The following GLCCI1 variants were observed in gnomAD, a reference collection of about 807,000 sequenced individuals.
GLCCI1 encodes the protein glucocorticoid-induced transcript 1 protein.
In GLCCI1, 24 loss-of-function variants were observed where a neutral mutation model predicts 52.2. The observed-to-expected ratio is 0.46, with a 90% CI of 0.33 to 0.65. GLCCI1 has a LOEUF of 0.65. GLCCI1 is among the 30% of genes least tolerant of loss of function. The probability of loss-of-function intolerance (pLI) is 0.02; values close to 1 mark genes in which losing one functional copy is unlikely to be tolerated. For missense variants in GLCCI1, 704 were observed against 701.5 expected (o/e 1.00, Z -0.04); for synonymous variants, 310 against 276.5 (o/e 1.12, Z -1.20).
intron 3 of GLCCI1, among the ~76,000 whole-genome samples, chr7:8,044,175 G>T (rs1156318939): frequency 6.6e-6 from 1 of 151,856 alleles, no homozygotes; most frequent in East Asian, 1.9e-4. Flanking sequence ...TTGATTTCCT[G>T]ACCTCGCGAT....
chr7:8,087,884 C>G lies in GLCCI1; in HGVS notation c.*1346C>G, dbSNP rs925654290. On this transcript the variant is annotated 3_prime_UTR_variant, in exon 8 of 8. Coordinates refer to ENST00000223145, the MANE Select transcript of GLCCI1 (RefSeq NM_138426.4). ...GCCTTGAACTTGCAGACTTTTGACA[C>G]AAGTTCTCCACAAAGTGTGAAGAGA... The G allele has an allele frequency of 3.9e-5, 6 of 152,722 alleles. No homozygotes were observed. Among genetic ancestry groups the G allele is most frequent in the African/African-American group, 1.4e-4 (6 of 41,566 alleles). 9.5% of individuals were successfully genotyped at this position (152,722 alleles called of 1,614,324 possible).
chr7:8,038,039 G>C (rs917786242), intron 3 of GLCCI1, among the ~76,000 whole-genome samples: 5 of 152,120 alleles, frequency 3.3e-5, no homozygotes, highest in African/African-American at 1.2e-4. Flanking sequence ...AGATCAAATG[G>C]ACCTGGTAGA....
rs551782535 is a variant in GLCCI1, at chr7:8,063,664, G to A, written c.966+3416G>A. 4.1e-4 allele frequency among the ~76,000 whole-genome samples: 60 copies of A among 145,758 alleles called. No homozygotes were observed. The South Asian group carries it at 0.013, about 31-fold the overall frequency. On this transcript the variant is annotated intron_variant, in intron 5 of 7. Coordinates refer to ENST00000223145, the MANE Select transcript of GLCCI1 (RefSeq NM_138426.4). ...GACAGGGTCTTGCTCCATTGCCCAG[G>A]CTGGAGTATAGCGGCACAGTCATGG... is the stretch of plus-strand genomic sequence containing the variant.
chr7:8,018,877 T>C (rs1403172241), intron 2 of GLCCI1, among the ~76,000 whole-genome samples: 2 of 152,212 alleles, frequency 1.3e-5, no homozygotes, highest in Non-Finnish European at 2.9e-5. Flanking sequence ...TGGTTATATG[T>C]AGCACTATTT....
rs935789118 is a variant in GLCCI1 at position 8,087,370 on chromosome 7, C to G, written c.*832C>G. The G allele has an allele frequency of 8.5e-5, 13 of 152,596 alleles. No homozygotes were observed. Among genetic ancestry groups the G allele is most frequent in the Non-Finnish European group, 1.3e-4 (9 of 68,030 alleles). 9.5% of individuals were successfully genotyped at this position (152,596 alleles called of 1,614,324 possible). ...TGTACATGTGGCTTTTTTAAAAGTTCAGGTGTTGCTCAGTAAAGGACTGTG... is the reference window on the plus strand; with the variant it reads ...TGTACATGTGGCTTTTTTAAAAGTTGAGGTGTTGCTCAGTAAAGGACTGTG... On this transcript the variant is annotated 3_prime_UTR_variant, in exon 8 of 8. Transcript: ENST00000223145.
chr7:7,992,554 T>A (rs1583953137), intron 1 of GLCCI1, among the ~76,000 whole-genome samples: 2 of 152,130 alleles, frequency 1.3e-5, no homozygotes, highest in East Asian at 3.8e-4. Context: ...ATATATTTGA[T>A]ATGTTGATTA....
At chr7:8,030,450 G>T (rs1042908788) in intron 3 of GLCCI1, among the ~76,000 whole-genome samples, 3 of 152,042 alleles carry the variant, frequency 2.0e-5, no homozygotes, top group African/African-American at 7.2e-5. Context: ...AGAAACCATT[G>T]GGGAAATTCT....
At chr7:7,970,035 C>A in intron 1 of GLCCI1, 1 of 355,814 alleles carries the variant, frequency 2.8e-6, no homozygotes, top group Non-Finnish European at 4.3e-6. Context: ...TTCCATCACT[C>A]GCCTGCTTCG....
chr7:8,073,871 T>C (rs1016622920), intron 6 of GLCCI1, among the ~76,000 whole-genome samples: 2 of 152,220 alleles, frequency 1.3e-5, no homozygotes, highest in Non-Finnish European at 2.9e-5. Flanking sequence ...GGCATTACTT[T>C]GTGATTAAGA....
chr7:8,067,195 G>A (rs1355362322), intron 5 of GLCCI1, among the ~76,000 whole-genome samples: 1 of 152,052 alleles, frequency 6.6e-6, no homozygotes, highest in Non-Finnish European at 1.5e-5. Flanking sequence ...AATTAGAATA[G>A]CAATCTTGCT....
chr7:8,007,364 T>C (rs1056331021), intron 2 of GLCCI1, among the ~76,000 whole-genome samples: 79 of 152,210 alleles, frequency 5.2e-4, no homozygotes, highest in African/African-American at 1.6e-3. Context: ...TTATGTAATA[T>C]GTACGTAGTA....
At chr7:7,979,635 CCTTT>C (rs1780567250) in intron 1 of GLCCI1, among the ~76,000 whole-genome samples, 1 of 152,016 alleles carries the variant, frequency 6.6e-6, no homozygotes. Context: ...TGTCACTGGC[CCTTT>C]CTTTCTATGC....
At chr7:8,055,707 C>A in intron 4 of GLCCI1, 158 bp downstream of exon 4, 1 of 531,906 alleles carries the variant, frequency 1.9e-6, no homozygotes. Flanking sequence ...AGCAGCCGGG[C>A]GGCCGGCCTT....
intron 6 of GLCCI1, among the ~76,000 whole-genome samples, chr7:8,081,587 A>C (rs1346373593): frequency 6.6e-6 from 1 of 152,350 alleles, no homozygotes; most frequent in African/African-American, 2.4e-5. Flanking sequence ...GGGCCCCACA[A>C]TATACCAGAT....
intron 6 of GLCCI1, among the ~76,000 whole-genome samples, chr7:8,074,752 T>C (rs1413098503): frequency 1.3e-5 from 2 of 152,238 alleles, no homozygotes; most frequent in East Asian, 3.8e-4. Flanking sequence ...TGGTGTTTTT[T>C]TATTAAAGAC....
chr7:7,995,608 G>A (rs1159782167), intron 1 of GLCCI1, among the ~76,000 whole-genome samples: 1 of 152,166 alleles, frequency 6.6e-6, no homozygotes, highest in African/African-American at 2.4e-5. Context: ...GTAAGGACAT[G>A]GATGAAGCTG....
At position 8,088,711 on chromosome 7, in the gene GLCCI1, T is replaced by C. The variant is rs1300240696; in HGVS notation, c.*2173T>C. 6.6e-6 allele frequency: 1 copy of C among 152,646 alleles called. No individual in the cohort carries two copies. Among genetic ancestry groups the C allele is most frequent in the East Asian group, 1.9e-4 (1 of 5,204 alleles). The allele number at this position is 152,646 out of a possible 1,614,324, so 9.5% of individuals were successfully genotyped here. On this transcript the variant is annotated 3_prime_UTR_variant, in exon 8 of 8. Transcript: ENST00000223145. ...AATATGCTTTTTTGGTGATGAAATC[T>C]CATGTACGATATTTATAGTGATGTG...
At chr7:8,006,943 T>C (rs1781163750) in intron 2 of GLCCI1, among the ~76,000 whole-genome samples, 1 of 152,234 alleles carries the variant, frequency 6.6e-6, no homozygotes, top group Non-Finnish European at 1.5e-5. Flanking sequence ...GGAATGGGTC[T>C]GCAGACCTTA....
chr7:8,055,680 T>C, intron 4 of GLCCI1, 131 bp downstream of exon 4: 2 of 671,244 alleles, frequency 3.0e-6, no homozygotes, highest in South Asian at 1.8e-5. Flanking sequence ...TAAATTGTTA[T>C]AAAAAGATTG....
Sources: allele counts gnomAD v4.1 joint callset (sites outside exome capture counted in the v4.1 genomes callset), GRCh38; gene constraint gnomAD v4.1.1; transcripts MANE v1.5; gene names NCBI Gene and HGNC (gene_info 2026-07-23, HGNC 2026-07-21).